ARHGAP42: variants seen among roughly 807,000 people sequenced by gnomAD.
ARHGAP42 encodes the protein rho GTPase-activating protein 42.
A neutral mutation model predicts 125.0 loss-of-function variants in ARHGAP42; 63 were observed. That is an observed-to-expected ratio of 0.50 (90% confidence interval 0.41 to 0.62). The LOEUF (loss-of-function observed/expected upper bound fraction) is 0.62. Ranked by LOEUF, ARHGAP42 falls within the 20% of genes least tolerant of loss-of-function variation. The pLI, the probability that ARHGAP42 is intolerant of heterozygous loss-of-function variation, is 0.00. For synonymous variants in ARHGAP42, 339 were observed against 351.0 expected (o/e 0.97, Z 0.38); for missense variants, 766 against 1,024.2 (o/e 0.75, Z 3.44).
At chr11:100,857,923 T>C (rs73569790) in intron 3 of ARHGAP42, among the ~76,000 whole-genome samples, 1,846 of 152,240 alleles carry the variant, frequency 0.012, 42 homozygotes, top group African/African-American at 0.041. Context: ...GAAGGACTTA[T>C]TGCAATTTCC....
chr11:100,903,479 C>T (rs932247270), intron 4 of ARHGAP42, among the ~76,000 whole-genome samples: 2 of 151,226 alleles, frequency 1.3e-5, no homozygotes, highest in African/African-American at 2.4e-5. Flanking sequence ...TCAAATTCAC[C>T]CAGGGTGATT....
At chr11:100,817,090 A>G (rs1190351121) in intron 3 of ARHGAP42, among the ~76,000 whole-genome samples, 1 of 152,226 alleles carries the variant, frequency 6.6e-6, no homozygotes. Context: ...AATACAATTC[A>G]TTTCCAGTCA....
At chr11:100,983,251 A>G (rs889969068) in intron 22 of ARHGAP42, among the ~76,000 whole-genome samples, 2 of 152,238 alleles carry the variant, frequency 1.3e-5, no homozygotes, top group Non-Finnish European at 2.9e-5. Context: ...TTTATTGAAA[A>G]TAAGAATAAG....
chr11:100,985,515 A>C (rs1039588875), intron 22 of ARHGAP42, among the ~76,000 whole-genome samples: 1 of 152,194 alleles, frequency 6.6e-6, no homozygotes, highest in African/African-American at 2.4e-5. Context: ...AGTCTTCAGA[A>C]CCTGATAATG....
intron 5 of ARHGAP42, among the ~76,000 whole-genome samples, chr11:100,920,846 A>G (rs550074267): frequency 1.3e-5 from 2 of 152,234 alleles, no homozygotes; most frequent in East Asian, 1.9e-4. Flanking sequence ...CTCTGCTACC[A>G]GTATTACCTA....
chr11:100,874,332 G>T (rs1291823566), intron 4 of ARHGAP42, among the ~76,000 whole-genome samples: 2 of 152,276 alleles, frequency 1.3e-5, no homozygotes, highest in East Asian at 3.9e-4. Context: ...TGATTCCCAG[G>T]ACTGCTACAC....
At chr11:100,713,132 G>C (rs1861592957) in intron 1 of ARHGAP42, among the ~76,000 whole-genome samples, 1 of 152,228 alleles carries the variant, frequency 6.6e-6, no homozygotes, top group African/African-American at 2.4e-5. Flanking sequence ...CTGGAAAACA[G>C]ATTTAGGTTT....
intron 1 of ARHGAP42, among the ~76,000 whole-genome samples, chr11:100,715,836 T>C (rs80143975): frequency 0.043 from 6,611 of 152,314 alleles, 291 homozygotes; most frequent in East Asian, 0.23. Flanking sequence ...CAATGATTTA[T>C]ATTCTTAGGA....
intron 3 of ARHGAP42, among the ~76,000 whole-genome samples, chr11:100,835,195 T>A (rs1370947621): frequency 2.0e-5 from 3 of 152,118 alleles, no homozygotes; most frequent in African/African-American, 7.2e-5. Context: ...TTCCTCCTCT[T>A]CTGTGGTATG....
chr11:100,837,304 C>CT (rs920046340), intron 3 of ARHGAP42, among the ~76,000 whole-genome samples: 1 of 151,948 alleles, frequency 6.6e-6, no homozygotes, highest in Non-Finnish European at 1.5e-5. Context: ...ACCACAGAAT[C>CT]TTTTTTTCAA....
chr11:100,788,493 C>CT (rs1863487617), intron 2 of ARHGAP42, among the ~76,000 whole-genome samples: 1 of 152,022 alleles, frequency 6.6e-6, no homozygotes, highest in Admixed American at 6.6e-5. Context: ...AGGGCTGTGA[C>CT]TTTTTTTTCT....
At chr11:100,883,859 G>A (rs2135180807) in intron 4 of ARHGAP42, among the ~76,000 whole-genome samples, 1 of 152,256 alleles carries the variant, frequency 6.6e-6, no homozygotes, top group African/African-American at 2.4e-5. Context: ...TGCTAGAATA[G>A]CTCCAGAGGT....
At chr11:100,839,967 T>A (rs576806571) in intron 3 of ARHGAP42, 24 of 152,276 alleles carry the variant, frequency 1.6e-4, no homozygotes, top group African/African-American at 5.5e-4. Context: ...CTGTCAACTT[T>A]TAGATGTGTG....
intron 9 of ARHGAP42, among the ~76,000 whole-genome samples, chr11:100,942,831 T>G (rs1867918386): frequency 6.6e-6 from 1 of 152,112 alleles, no homozygotes; most frequent in Non-Finnish European, 1.5e-5. Flanking sequence ...GCTACCATCC[T>G]GGGAAGTTAC....
chr11:100,759,041 A>T (rs141125153), intron 1 of ARHGAP42, among the ~76,000 whole-genome samples: 2 of 152,210 alleles, frequency 1.3e-5, no homozygotes, highest in East Asian at 3.9e-4. Flanking sequence ...TGCTCACTCC[A>T]TCAAGCTTGA....
chr11:100,825,545 A>G (rs1864496250), intron 3 of ARHGAP42, among the ~76,000 whole-genome samples: 1 of 152,210 alleles, frequency 6.6e-6, no homozygotes, highest in Admixed American at 6.5e-5. Flanking sequence ...TTGTACGTGA[A>G]GAATATTTGG....
chr11:100,975,138 C>G (rs1366697516), intron 19 of ARHGAP42, among the ~76,000 whole-genome samples: 1 of 151,984 alleles, frequency 6.6e-6, no homozygotes, highest in African/African-American at 2.4e-5. Flanking sequence ...TTTTATACCC[C>G]CCACCCCAAT....
At chr11:100,862,089 T>C (rs376640644) in intron 4 of ARHGAP42, among the ~76,000 whole-genome samples, 5 of 152,178 alleles carry the variant, frequency 3.3e-5, no homozygotes, top group African/African-American at 1.2e-4. Flanking sequence ...TAATAGCTAA[T>C]TTTTATTGGC....
intron 1 of ARHGAP42, among the ~76,000 whole-genome samples, chr11:100,732,486 A>T (rs1035816822): frequency 6.6e-6 from 1 of 152,222 alleles, no homozygotes; most frequent in Non-Finnish European, 1.5e-5. Context: ...CCATATATTT[A>T]TATGGGCCTT....
Sources: gnomAD v4.1 joint callset for allele counts (sites outside exome capture counted in the v4.1 genomes callset) on GRCh38, gnomAD v4.1.1 for gene constraint, MANE v1.5 for transcripts, NCBI Gene and HGNC (gene_info 2026-07-23, HGNC 2026-07-21) for gene names.